GABRB1: variants seen among roughly 807,000 people sequenced by gnomAD.
The protein encoded by GABRB1 is gamma-aminobutyric acid type A receptor subunit beta1.
Under a neutral mutation model 51.6 loss-of-function variants are expected in GABRB1, and 17 were observed. The ratio of observed to expected loss-of-function variants is 0.33; its 90% CI spans 0.23 to 0.49. The LOEUF (loss-of-function observed/expected upper bound fraction) is 0.49, where lower values mean the gene tolerates loss of function less well. GABRB1 is among the 20% of genes least tolerant of loss of function. GABRB1 has a pLI of 0.99. For synonymous variants in GABRB1, 247 were observed against 218.9 expected (o/e 1.13, Z -1.14); for missense variants, 410 against 600.6 (o/e 0.68, Z 3.32).
chr4:47,173,872 C>A (rs376230924), intron 4 of GABRB1, among the ~76,000 whole-genome samples: 8 of 152,278 alleles, frequency 5.3e-5, no homozygotes, highest in African/African-American at 1.9e-4. Flanking sequence ...GTTGAAATTC[C>A]TCTCCAGACT....
intron 5 of GABRB1, among the ~76,000 whole-genome samples, chr4:47,333,653 T>C (rs1725585520): frequency 6.6e-6 from 1 of 152,146 alleles, no homozygotes; most frequent in African/African-American, 2.4e-5. Context: ...AAATGGAGGT[T>C]GCAGTGAGCC....
At chr4:47,189,307 T>A (rs1719329835) in intron 4 of GABRB1, among the ~76,000 whole-genome samples, 1 of 151,888 alleles carries the variant, frequency 6.6e-6, no homozygotes, top group African/African-American at 2.4e-5. Flanking sequence ...TCCTTATACA[T>A]AATATTATGG....
At chr4:47,179,175 C>T (rs1247309790) in intron 4 of GABRB1, among the ~76,000 whole-genome samples, 1 of 152,080 alleles carries the variant, frequency 6.6e-6, no homozygotes, top group Non-Finnish European at 1.5e-5. Flanking sequence ...CCCATGTGCT[C>T]TCATTGTTCA....
intron 3 of GABRB1, among the ~76,000 whole-genome samples, chr4:47,123,986 C>A (rs1412431639): frequency 1.6e-5 from 2 of 125,770 alleles, no homozygotes; most frequent in African/African-American, 6.2e-5. Flanking sequence ...TGCACACACA[C>A]ACACACATGC....
chr4:47,120,899 G>A (rs1715747665), intron 3 of GABRB1, among the ~76,000 whole-genome samples: 1 of 152,052 alleles, frequency 6.6e-6, no homozygotes, highest in Admixed American at 6.6e-5. Flanking sequence ...CAGAAGAAAG[G>A]AGACTTTTCG....
Position 47,426,101 on chromosome 4 carries a change from G to GAA in GABRB1, c.*83_*84insAA. ...ACAGGTCCCCAACAGCGATACTGCT[G>GAA]TTTCTCGAGGTAAGAGATTCAGCCA... On this transcript the variant is annotated 3_prime_UTR_variant, in exon 9 of 9. Transcript: ENST00000295454. The GAA allele has an allele frequency of 9.0e-7, 1 of 1,110,286 alleles. No homozygotes were observed. The highest frequency in any genetic ancestry group is 1.3e-6 in the Non-Finnish European group (1 of 780,922). 68.8% of individuals were successfully genotyped at this position (1,110,286 alleles called of 1,614,324 possible). A position where few individuals can be genotyped will look rare whatever the true frequency, so the allele number is the denominator to read the frequency against.
At chr4:47,081,343 C>T (rs955768755) in intron 3 of GABRB1, among the ~76,000 whole-genome samples, 4 of 152,088 alleles carry the variant, frequency 2.6e-5, no homozygotes, top group Non-Finnish European at 4.4e-5. Context: ...TTATGGTAAC[C>T]TCAACCACTT....
At chr4:47,394,060 G>A (rs1728098012) in intron 5 of GABRB1, among the ~76,000 whole-genome samples, 1 of 152,214 alleles carries the variant, frequency 6.6e-6, no homozygotes. Flanking sequence ...CAGAGAAGTT[G>A]TCTGTGGCAG....
chr4:47,004,818 T>C (rs1023643817), intron 1 of GABRB1, among the ~76,000 whole-genome samples: 1 of 152,240 alleles, frequency 6.6e-6, no homozygotes, highest in Non-Finnish European at 1.5e-5. Flanking sequence ...ATCTAGTTTT[T>C]CCACCTTTAA....
chr4:47,383,289 T>C (rs1727656300), intron 5 of GABRB1, among the ~76,000 whole-genome samples: 2 of 152,312 alleles, frequency 1.3e-5, no homozygotes, highest in Admixed American at 6.5e-5. Context: ...CTATTTTCTA[T>C]AGACACAAGA....
At chr4:47,397,048 A>C (rs1014789180) in intron 5 of GABRB1, among the ~76,000 whole-genome samples, 1 of 152,156 alleles carries the variant, frequency 6.6e-6, no homozygotes, top group African/African-American at 2.4e-5. Flanking sequence ...TAAGAACATT[A>C]ACCCTTGTCT....
intron 4 of GABRB1, among the ~76,000 whole-genome samples, chr4:47,240,983 A>T (rs1486492523): frequency 6.6e-6 from 1 of 152,208 alleles, no homozygotes; most frequent in Non-Finnish European, 1.5e-5. Flanking sequence ...TGACCAGAAA[A>T]AGCCACAGAA....
At chr4:47,190,598 G>A (rs948333011) in intron 4 of GABRB1, among the ~76,000 whole-genome samples, 1 of 151,996 alleles carries the variant, frequency 6.6e-6, no homozygotes, top group African/African-American at 2.4e-5. Context: ...TATGCTTTTG[G>A]TAACAAAAGC....
At chr4:47,127,420 T>A (rs1264545482) in intron 3 of GABRB1, among the ~76,000 whole-genome samples, 1 of 151,838 alleles carries the variant, frequency 6.6e-6, no homozygotes, top group Non-Finnish European at 1.5e-5. Context: ...TTAAACAATT[T>A]GCCTTAACTA....
At chr4:47,364,669 C>T (rs1726918167) in intron 5 of GABRB1, among the ~76,000 whole-genome samples, 1 of 150,778 alleles carries the variant, frequency 6.6e-6, no homozygotes, top group Non-Finnish European at 1.5e-5. Context: ...AAAGATAAAA[C>T]CAGCATAAAT....
chr4:47,372,695 G>T lies in GABRB1; in HGVS notation c.545-30623G>T, dbSNP rs146528162. On this transcript the variant is annotated intron_variant, in intron 5 of 8. Coordinates refer to ENST00000295454, the MANE Select transcript of GABRB1 (RefSeq NM_000812.4). ...GGAGAAATGTCTTTGCTTAGTGGATGAGTGATTATAATCCAGTGCCAGATG... is the reference window on the plus strand; with the variant it reads ...GGAGAAATGTCTTTGCTTAGTGGATTAGTGATTATAATCCAGTGCCAGATG... 8.0e-3 allele frequency among the ~76,000 whole-genome samples: 1,225 copies of T among 152,254 alleles called. 5 individuals carry two copies. Among genetic ancestry groups the T allele is most frequent in the Admixed American group, 0.015 (222 of 15,288 alleles).
intron 3 of GABRB1, among the ~76,000 whole-genome samples, chr4:47,120,210 T>G (rs1249605548): frequency 6.6e-6 from 1 of 152,178 alleles, no homozygotes; most frequent in Non-Finnish European, 1.5e-5. Context: ...TATACACATA[T>G]GCACCCAACA....
At chr4:47,295,817 A>G (rs889692684) in intron 4 of GABRB1, among the ~76,000 whole-genome samples, 1 of 152,180 alleles carries the variant, frequency 6.6e-6, no homozygotes, top group Non-Finnish European at 1.5e-5. Context: ...CAGATTCACC[A>G]AAGTTGAAAT....
chr4:47,283,536 C>T (rs868629993), intron 4 of GABRB1, among the ~76,000 whole-genome samples: 2 of 150,884 alleles, frequency 1.3e-5, no homozygotes, highest in Admixed American at 6.6e-5. Context: ...CAGGAGCCTG[C>T]CGCCACCACG....
Sources: gnomAD v4.1 joint callset for allele counts (sites outside exome capture counted in the v4.1 genomes callset) on GRCh38, gnomAD v4.1.1 for gene constraint, MANE v1.5 for transcripts, NCBI Gene and HGNC (gene_info 2026-07-23, HGNC 2026-07-21) for gene names.